The following SRPK2 variants were observed in gnomAD, a reference collection of about 807,000 sequenced individuals.
SRPK2 encodes SFRS protein kinase 2.
In SRPK2, 21 loss-of-function variants were observed where a neutral mutation model predicts 90.8. That is an observed-to-expected ratio of 0.23 (90% CI 0.16 to 0.33). The LOEUF (loss-of-function observed/expected upper bound fraction) is 0.33, where lower values mean the gene tolerates loss of function less well. Among genes scored for constraint, SRPK2 ranks in the 10% least tolerant of loss-of-function variants. The probability of loss-of-function intolerance (pLI) is 1.00; values close to 1 mark genes in which losing one functional copy is unlikely to be tolerated. For missense variants in SRPK2, 620 were observed against 869.0 expected (o/e 0.71, Z 3.60); for synonymous variants, 288 against 311.1 (o/e 0.93, Z 0.78).
intron 11 of SRPK2, among the ~76,000 whole-genome samples, chr7:105,138,777 C>A (rs1049915439): frequency 6.6e-6 from 1 of 152,046 alleles, no homozygotes; most frequent in African/African-American, 2.4e-5. Context: ...CCAGCCTGGG[C>A]GATAGAGCAA....
intron 2 of SRPK2, among the ~76,000 whole-genome samples, chr7:105,353,471 C>G (rs555578957): frequency 6.6e-6 from 1 of 152,142 alleles, no homozygotes; most frequent in South Asian, 2.1e-4. Flanking sequence ...TCCCAAGTAG[C>G]TGGGATTACA....
chr7:105,290,933 G>A (rs1176290924), intron 2 of SRPK2, among the ~76,000 whole-genome samples: 1 of 150,376 alleles, frequency 6.6e-6, no homozygotes, highest in East Asian at 1.9e-4. Context: ...AGCTACTCGG[G>A]AGGCTGAGGC....
chr7:105,322,396 G>T (rs60002853), intron 2 of SRPK2, among the ~76,000 whole-genome samples: 2,160 of 152,254 alleles, frequency 0.014, 27 homozygotes, highest in African/African-American at 0.037. Flanking sequence ...CAGCCTGGGC[G>T]ACAGAGTGAG....
chr7:105,252,917 A>C (rs1381264322), intron 2 of SRPK2, among the ~76,000 whole-genome samples: 1 of 151,546 alleles, frequency 6.6e-6, no homozygotes, highest in Non-Finnish European at 1.5e-5. Flanking sequence ...TAATTCTTGC[A>C]TTTTTAGTAG....
intron 2 of SRPK2, among the ~76,000 whole-genome samples, chr7:105,350,507 T>C (rs12536794): frequency 0.44 from 65,472 of 149,254 alleles, 15,814 homozygotes; most frequent in Non-Finnish European, 0.54. Context: ...ACAATAACCC[T>C]GTGGTTGCTA....
At chr7:105,349,151 A>C (rs1452295622) in intron 2 of SRPK2, among the ~76,000 whole-genome samples, 2 of 129,536 alleles carry the variant, frequency 1.5e-5, no homozygotes, top group Middle Eastern at 3.6e-3. Flanking sequence ...GTAGAAAGAG[A>C]GAAAGAAAGA....
chr7:105,262,514 A>T (rs1804444556), intron 2 of SRPK2, among the ~76,000 whole-genome samples: 1 of 152,186 alleles, frequency 6.6e-6, no homozygotes, highest in African/African-American at 2.4e-5. Context: ...TCTTCTTTAT[A>T]TATTTTACAT....
At chr7:105,179,344 C>T (rs1407170850) in intron 3 of SRPK2, among the ~76,000 whole-genome samples, 1 of 152,188 alleles carries the variant, frequency 6.6e-6, no homozygotes, top group Non-Finnish European at 1.5e-5. Context: ...TTAGTGTTTA[C>T]TGTTCTGCCA....
At chr7:105,317,034 G>A (rs560760472) in intron 2 of SRPK2, among the ~76,000 whole-genome samples, 46 of 152,330 alleles carry the variant, frequency 3.0e-4, no homozygotes, top group African/African-American at 9.1e-4. Context: ...AGGGGAAGAA[G>A]AGCAGCCAAA....
chr7:105,268,111 C>T (rs1805344751), intron 2 of SRPK2, among the ~76,000 whole-genome samples: 3 of 152,124 alleles, frequency 2.0e-5, no homozygotes. Flanking sequence ...TTTTATAAGG[C>T]AAAACAGTCA....
intron 3 of SRPK2, among the ~76,000 whole-genome samples, chr7:105,177,005 A>G (rs1240134802): frequency 6.6e-6 from 1 of 151,962 alleles, no homozygotes; most frequent in Admixed American, 6.6e-5. Flanking sequence ...ATGGACTGTC[A>G]TTTTCTTATC....
chr7:105,317,352 T>A (rs1028047449), intron 2 of SRPK2, among the ~76,000 whole-genome samples: 35 of 152,234 alleles, frequency 2.3e-4, no homozygotes, highest in African/African-American at 8.0e-4. Flanking sequence ...TTTCATTAAA[T>A]CTCAATGTTG....
chr7:105,115,823 T>G (rs1308256125), downstream of SRPK2, among the ~76,000 whole-genome samples: 1 of 152,138 alleles, frequency 6.6e-6, no homozygotes, highest in African/African-American at 2.4e-5. Context: ...ATAAAAATCC[T>G]TTTACACTTA....
chr7:105,282,735 G>A (rs979235079), intron 2 of SRPK2, among the ~76,000 whole-genome samples: 1 of 152,158 alleles, frequency 6.6e-6, no homozygotes, highest in Admixed American at 6.5e-5. Context: ...GTTGCAGTGA[G>A]CCGAGATTGT....
intron 2 of SRPK2, among the ~76,000 whole-genome samples, chr7:105,378,170 G>T (rs1003824375): frequency 7.2e-5 from 11 of 151,950 alleles, no homozygotes; most frequent in Admixed American, 6.6e-4. Flanking sequence ...GTGTTTCTTC[G>T]GCATGGAAGG....
intron 2 of SRPK2, among the ~76,000 whole-genome samples, chr7:105,381,267 T>C (rs1172092172): frequency 6.6e-6 from 1 of 151,834 alleles, no homozygotes; most frequent in African/African-American, 2.4e-5. Flanking sequence ...AGTTATTTCA[T>C]TAAAATGACA....
chr7:105,265,163 T>C (rs949563993), intron 2 of SRPK2, among the ~76,000 whole-genome samples: 1 of 152,152 alleles, frequency 6.6e-6, no homozygotes, highest in Admixed American at 6.5e-5. Context: ...AACTGGTATC[T>C]AGACTGTTTA....
chr7:105,180,487 G>T (rs1792631269), intron 3 of SRPK2, among the ~76,000 whole-genome samples: 1 of 152,296 alleles, frequency 6.6e-6, no homozygotes, highest in African/African-American at 2.4e-5. Context: ...TGGGTGCAGT[G>T]GCTCACGTCT....
At chr7:105,203,344 C>G (rs1483011387) in intron 3 of SRPK2, among the ~76,000 whole-genome samples, 1 of 152,176 alleles carries the variant, frequency 6.6e-6, no homozygotes, top group Non-Finnish European at 1.5e-5. Context: ...TGTATACTAC[C>G]TTTAATTCTA....
Sources: allele counts gnomAD v4.1 joint callset (sites outside exome capture counted in the v4.1 genomes callset), GRCh38; gene constraint gnomAD v4.1.1; transcripts MANE v1.5; gene names NCBI Gene and HGNC (gene_info 2026-07-23, HGNC 2026-07-21).